The following SGCG variants were observed in gnomAD, a reference collection of about 807,000 sequenced individuals.
The protein encoded by SGCG is gamma-sarcoglycan.
Under a neutral mutation model 29.3 loss-of-function variants are expected in SGCG, and 26 were observed. The ratio of observed to expected loss-of-function variants is 0.89; its 90% confidence interval spans 0.65 to 1.23. The LOEUF is 1.23. Ranked by LOEUF, SGCG falls within the 50% of genes most tolerant of loss-of-function variation. SGCG has a pLI of 0.00. For synonymous variants in SGCG, 145 were observed against 129.7 expected (o/e 1.12, Z -0.80); for missense variants, 353 against 356.0 (o/e 0.99, Z 0.07).
intron 5 of SGCG, among the ~76,000 whole-genome samples, chr13:23,293,480 T>C (rs1359374321): frequency 6.6e-6 from 1 of 152,192 alleles, no homozygotes; most frequent in African/African-American, 2.4e-5. Flanking sequence ...GTAGTAATTA[T>C]AATAACAAAG....
chr13:23,230,335 T>A (rs113306831), intron 2 of SGCG, among the ~76,000 whole-genome samples: 1,734 of 152,320 alleles, frequency 0.011, 28 homozygotes, highest in African/African-American at 0.039. Flanking sequence ...TCATTGGTAG[T>A]TTGATAGGAA....
At chr13:23,173,303 G>A in the SGCG span, among the ~76,000 whole-genome samples, 5 of 152,166 alleles carry the variant, frequency 3.3e-5, no homozygotes. Context: ...TAAAGAAGGA[G>A]GAGGAGTCAC....
At chr13:23,189,414 G>T (rs1466599033) in intron 1 of SGCG, among the ~76,000 whole-genome samples, 1 of 152,166 alleles carries the variant, frequency 6.6e-6, no homozygotes, top group Non-Finnish European at 1.5e-5. Flanking sequence ...TGAGCTCAGG[G>T]AATCCACCTG....
At chr13:23,178,222 G>A (rs1342599244), upstream of SGCG, among the ~76,000 whole-genome samples, 1 of 152,192 alleles carries the variant, frequency 6.6e-6, no homozygotes, top group Non-Finnish European at 1.5e-5. Flanking sequence ...TATAGCAATA[G>A]GTGATGCCAG....
At chr13:23,224,120 T>C (rs150133693) in intron 2 of SGCG, among the ~76,000 whole-genome samples, 108 of 152,342 alleles carry the variant, frequency 7.1e-4, no homozygotes, top group African/African-American at 2.2e-4. Flanking sequence ...GCCTGCACGA[T>C]GGTAACAGAT....
intron 6 of SGCG, among the ~76,000 whole-genome samples, chr13:23,303,081 A>G (rs1882227386): frequency 6.6e-6 from 1 of 152,238 alleles, no homozygotes; most frequent in Non-Finnish European, 1.5e-5. Flanking sequence ...TAGTCATTCA[A>G]TTTGTCAATT....
rs201669177 is a variant in SGCG at position 23,219,749 on chromosome 13, TTA to T, written c.196-14860_196-14859del. Among the ~76,000 whole-genome samples the T allele has an allele frequency of 4.9e-4, 33 of 66,954 alleles. 1 individual carries two copies. Among genetic ancestry groups the T allele is most frequent in the South Asian group, 2.0e-3 (2 of 988 alleles). The allele number at this position is 66,954 out of a possible 152,430, so 43.9% of individuals were successfully genotyped here. On this transcript the variant is annotated intron_variant, in intron 2 of 7. Coordinates refer to ENST00000218867, the MANE Select transcript of SGCG (RefSeq NM_000231.3). ...TAAACCCCATAAACATACACAATTA[TTA>T]TTTTTTTTTTTTGAGATGGAGTCTG...
At chr13:23,191,913 C>A (rs749435677) in intron 1 of SGCG, among the ~76,000 whole-genome samples, 2 of 152,136 alleles carry the variant, frequency 1.3e-5, no homozygotes, top group African/African-American at 4.8e-5. Flanking sequence ...CGGCCGGGCG[C>A]GGTGGCTCAC....
chr13:23,282,324 T>A lies in SGCG; in HGVS notation c.505+2846T>A, dbSNP rs74768654. ...GTGCAGGCTTTGTCGATCTTAACAC[T>A]GTTTTTTTGTTTTAAACTTTTACTT... On this transcript the variant is annotated intron_variant, in intron 5 of 7. Transcript: ENST00000218867. Among the ~76,000 whole-genome samples, 965 of 152,342 alleles carry A rather than the reference T, an allele frequency of 6.3e-3. 6 individuals are homozygous for A. The highest frequency in any genetic ancestry group is 0.022 in the African/African-American group (934 of 41,578).
intron 3 of SGCG, among the ~76,000 whole-genome samples, chr13:23,236,508 T>A (rs1353808881): frequency 6.6e-6 from 1 of 151,760 alleles, no homozygotes; most frequent in Non-Finnish European, 1.5e-5. Flanking sequence ...AAACCCCGTC[T>A]CTACTAAAAA....
intron 4 of SGCG, 109 bp downstream of exon 4, chr13:23,250,826 T>C: frequency 2.6e-6 from 2 of 758,414 alleles, no homozygotes; most frequent in Non-Finnish European, 4.7e-6. Flanking sequence ...ATGAACAAAA[T>C]ATGAATTTTC....
At chr13:23,303,699 A>G (rs553295796) in intron 6 of SGCG, among the ~76,000 whole-genome samples, 18 of 152,332 alleles carry the variant, frequency 1.2e-4, no homozygotes, top group African/African-American at 4.1e-4. Flanking sequence ...TTTATTTACA[A>G]TGTGCTTGTG....
intron 5 of SGCG, among the ~76,000 whole-genome samples, chr13:23,283,198 T>C (rs574447786): frequency 6.6e-6 from 1 of 152,292 alleles, no homozygotes; most frequent in South Asian, 2.1e-4. Context: ...CATTAATGTG[T>C]CTAATATTGA....
chr13:23,192,048 T>G (rs11619138), intron 1 of SGCG, among the ~76,000 whole-genome samples: 27,431 of 150,490 alleles, frequency 0.18, 3,043 homozygotes, highest in East Asian at 0.48. Flanking sequence ...GGTGGCGGGC[T>G]CCTGTAGTCC....
chr13:23,284,073 A>G (rs765394163), intron 5 of SGCG, among the ~76,000 whole-genome samples: 1 of 152,006 alleles, frequency 6.6e-6, no homozygotes, highest in African/African-American at 2.4e-5. Context: ...GAATCTGACA[A>G]TTATGTGTCT....
At chr13:23,303,725 A>G (rs575312813) in intron 6 of SGCG, among the ~76,000 whole-genome samples, 3 of 152,326 alleles carry the variant, frequency 2.0e-5, no homozygotes, top group Admixed American at 2.0e-4. Flanking sequence ...AAATTTTCAT[A>G]TTGTTGGAGA....
At chr13:23,167,004 T>G in the SGCG span, among the ~76,000 whole-genome samples, 2 of 152,154 alleles carry the variant, frequency 1.3e-5, no homozygotes, top group Non-Finnish European at 2.9e-5. Flanking sequence ...CTAGGTCTTA[T>G]TCTTTCTATT....
intron 3 of SGCG, among the ~76,000 whole-genome samples, chr13:23,236,863 T>A (rs1161701879): frequency 1.3e-5 from 2 of 152,142 alleles, no homozygotes; most frequent in Non-Finnish European, 2.9e-5. Flanking sequence ...ACAATTTGAA[T>A]AATATTATGT....
chr13:23,197,679 T>C (rs554167050), intron 1 of SGCG, among the ~76,000 whole-genome samples: 7 of 152,220 alleles, frequency 4.6e-5, no homozygotes, highest in African/African-American at 1.4e-4. Context: ...GATAAATCTG[T>C]GGAAATATAA....
Sources: allele counts gnomAD v4.1 joint callset (sites outside exome capture counted in the v4.1 genomes callset), GRCh38; gene constraint gnomAD v4.1.1; transcripts MANE v1.5; gene names NCBI Gene and HGNC (gene_info 2026-07-23, HGNC 2026-07-21).